Variants in HOPX observed in about 807,000 individuals in gnomAD.
The protein encoded by HOPX is HOP homeobox.
HOPX carries 5 observed loss-of-function variants against 11.8 expected under a neutral mutation model. That is an observed-to-expected ratio of 0.43 (90% CI 0.22 to 0.89). HOPX has a LOEUF of 0.89. Among genes scored for constraint, HOPX ranks in the 40% least tolerant of loss-of-function variants. The probability of loss-of-function intolerance (pLI) is 0.28; values close to 1 mark genes in which losing one functional copy is unlikely to be tolerated. For missense variants in HOPX, 119 were observed against 120.0 expected, an observed-to-expected ratio of 0.99 and a Z score of 0.04; for synonymous variants, 49 against 49.7, an observed-to-expected ratio of 0.99 and a Z score of 0.06.
intron 1 of HOPX, among the ~76,000 whole-genome samples, chr4:56,662,144 G>C (rs1013143991): frequency 1.3e-5 from 2 of 152,204 alleles, no homozygotes; most frequent in Admixed American, 6.5e-5. Context: ...AAGTGTAAAA[G>C]AAAGATGGAC....
chr4:56,676,288 T>C (rs11721616), intron 1 of HOPX, among the ~76,000 whole-genome samples: 63,838 of 151,088 alleles, frequency 0.42, 14,276 homozygotes, highest in Non-Finnish European at 0.46. Context: ...ACAGTGAGAC[T>C]CTGTCTCAAA....
chr4:56,652,173 C>G (rs1350209753), intron 3 of HOPX, among the ~76,000 whole-genome samples: 4 of 152,100 alleles, frequency 2.6e-5, no homozygotes, highest in Non-Finnish European at 5.9e-5. Context: ...ATGGGTGCCA[C>G]CTCCACCCCC....
intron 1 of HOPX, among the ~76,000 whole-genome samples, chr4:56,671,653 A>C (rs1718740777): frequency 6.6e-6 from 1 of 152,056 alleles, no homozygotes; most frequent in Non-Finnish European, 1.5e-5. Context: ...TAGGACAAAC[A>C]GAGGGTGTGC....
intron 3 of HOPX, chr4:56,650,074 C>T (rs1478796160): frequency 1.3e-5 from 2 of 154,310 alleles, no homozygotes; most frequent in Admixed American, 1.3e-4. Context: ...TGTAGGCAGG[C>T]TGTGTGGTAG....
intron 1 of HOPX, among the ~76,000 whole-genome samples, chr4:56,675,604 C>G (rs568416426): frequency 2.8e-4 from 42 of 151,780 alleles, no homozygotes; most frequent in Non-Finnish European, 6.0e-4. Flanking sequence ...GATGTAGGCA[C>G]TTTCCCAGCA....
At chr4:56,649,072 C>T (rs1291593917) in intron 3 of HOPX, 2 of 305,678 alleles carry the variant, frequency 6.5e-6, no homozygotes, top group East Asian at 5.2e-5. Flanking sequence ...CTCAATGAAG[C>T]CTTCCCTGAT....
intron 3 of HOPX, among the ~76,000 whole-genome samples, chr4:56,652,869 C>G (rs1040614636): frequency 6.6e-6 from 1 of 152,026 alleles, no homozygotes; most frequent in African/African-American, 2.4e-5. Flanking sequence ...GGGGAAGTGT[C>G]AATACCAGAC....
chr4:56,651,873 A>AGAGTGTGTGT (rs1165596516), intron 3 of HOPX, among the ~76,000 whole-genome samples: 3 of 136,678 alleles, frequency 2.2e-5, no homozygotes, highest in Admixed American at 7.4e-5. Flanking sequence ...AGAGAGAGAG[A>AGAGTGTGTGT]GTGTGTGTGT....
At chr4:56,674,367 T>G (rs534444708) in intron 1 of HOPX, among the ~76,000 whole-genome samples, 3 of 151,898 alleles carry the variant, frequency 2.0e-5, no homozygotes, top group African/African-American at 7.3e-5. Flanking sequence ...TAAGGAAGAT[T>G]GTTTATGTAC....
intron 1 of HOPX, chr4:56,681,016 A>G (rs2109567084): frequency 2.0e-6 from 2 of 985,268 alleles, no homozygotes; most frequent in Non-Finnish European, 2.4e-6. Context: ...GACCAACACC[A>G]ACTCCCCTTC....
chr4:56,652,161 T>C (rs1220225125), intron 3 of HOPX, among the ~76,000 whole-genome samples: 1 of 152,156 alleles, frequency 6.6e-6, no homozygotes, highest in East Asian at 1.9e-4. Flanking sequence ...CTTTGAGTTC[T>C]TATGGGTGCC....
intron 1 of HOPX, chr4:56,672,621 A>G (rs1051030941): frequency 6.6e-6 from 1 of 151,798 alleles, no homozygotes; most frequent in Non-Finnish European, 1.5e-5. Flanking sequence ...TGGCTAAAAA[A>G]TTATTATTAT....
chr4:56,668,053 T>C (rs1401952477), intron 1 of HOPX, among the ~76,000 whole-genome samples: 1 of 152,172 alleles, frequency 6.6e-6, no homozygotes, highest in East Asian at 1.9e-4. Context: ...GCCTCCTAAG[T>C]AACTGGGACT....
intron 2 of HOPX, among the ~76,000 whole-genome samples, 160 bp downstream of exon 2, chr4:56,657,615 A>G (rs1053227315): frequency 2.6e-5 from 4 of 152,078 alleles, no homozygotes; most frequent in Non-Finnish European, 5.9e-5. Flanking sequence ...TTTTTAGGGG[A>G]TTCTGTGCTT....
intron 1 of HOPX, chr4:56,659,542 G>A (rs1189841752): frequency 1.3e-5 from 2 of 151,964 alleles, no homozygotes; most frequent in Non-Finnish European, 2.9e-5. Context: ...ACAAGAGCTG[G>A]AAGGAGAGAG....
intron 1 of HOPX, among the ~76,000 whole-genome samples, chr4:56,661,209 A>G (rs1488080010): frequency 6.6e-6 from 1 of 152,174 alleles, no homozygotes; most frequent in Non-Finnish European, 1.5e-5. Flanking sequence ...ATGTCATACC[A>G]TATATAATTT....
At chr4:56,650,940 G>C (rs1717113883) in intron 3 of HOPX, 1 of 893,198 alleles carries the variant, frequency 1.1e-6, no homozygotes, top group South Asian at 1.9e-5. Context: ...TGGTATGAGA[G>C]CAGCAAGGTT....
At chr4:56,656,181 G>A (rs1000190271) in intron 2 of HOPX, 169 bp from the exon 3 acceptor site, 3 of 1,115,194 alleles carry the variant, frequency 2.7e-6, no homozygotes, top group African/African-American at 3.3e-5. Context: ...GGGGGCTTAC[G>A]GCTGCCCCCC....
At chr4:56,680,284 A>T (rs2109565080) in intron 1 of HOPX, 2 of 152,294 alleles carry the variant, frequency 1.3e-5, no homozygotes, top group South Asian at 4.1e-4. Flanking sequence ...CTTTCACCAG[A>T]TTCTTGATAC....
Sources: allele counts gnomAD v4.1 joint callset (sites outside exome capture counted in the v4.1 genomes callset), GRCh38; gene constraint gnomAD v4.1.1; transcripts MANE v1.5; gene names NCBI Gene and HGNC (gene_info 2026-07-23, HGNC 2026-07-21).